CFHR5: variants seen among roughly 807,000 people sequenced by gnomAD.
CFHR5 encodes complement factor H related 5, also known as complement factor H-related protein 5.
CFHR5 carries 73 observed loss-of-function variants against 62.9 expected under a neutral mutation model. That is an observed-to-expected ratio of 1.16 (90% CI 0.96 to 1.41). The LOEUF is 1.41. CFHR5 is among the 40% of genes most tolerant of loss of function. CFHR5 has a pLI of 0.00. For synonymous variants in CFHR5, 249 were observed against 227.2 expected (o/e 1.10, Z -0.86); for missense variants, 779 against 679.9 (o/e 1.15, Z -1.62).
chr1:196,989,154 C>T (rs149880114), intron 3 of CFHR5, among the ~76,000 whole-genome samples: 3 of 152,068 alleles, frequency 2.0e-5, no homozygotes, highest in Admixed American at 6.6e-5. Flanking sequence ...AGTTTATTTG[C>T]GTAGAGGTGT....
rs1201557825 is a variant in CFHR5 at position 197,008,608 on chromosome 1, T to C, written c.1635T>C (p.His545=). The C allele has an allele frequency of 2.5e-6, 4 of 1,613,806 alleles. No homozygotes were observed. Among genetic ancestry groups the C allele is most frequent in the Non-Finnish European group, 3.4e-6 (4 of 1,179,834 alleles). ...DAVEFQCKFP[H]KAMISSPPFR... ...TTGAATTCCAGTGTAAATTCCCACATAAAGCGATGATATCATCACCACCAT... is the reference window on the plus strand; with the variant it reads ...TTGAATTCCAGTGTAAATTCCCACACAAAGCGATGATATCATCACCACCAT... Residue 545 remains histidine, a synonymous_variant, in exon 10 of 10, where the codon CAT becomes CAC. Coordinates refer to ENST00000256785, the MANE Select transcript of CFHR5 (RefSeq NM_030787.4).
intron 6 of CFHR5, among the ~76,000 whole-genome samples, chr1:196,996,597 G>A (rs1340636396): frequency 1.3e-5 from 2 of 152,152 alleles, no homozygotes; most frequent in Admixed American, 6.5e-5. Context: ...TTCTACAAAT[G>A]ATGGCGATTT....
At position 196,985,798 on chromosome 1, in the gene CFHR5, T is replaced by A. The variant is rs546815333; in HGVS notation, c.430+1661T>A. ...CGGTTGCTTTGTGACACAAAAAATA[T>A]CCCAGGCTTAACTCATGTTTCCACT... is the stretch of plus-strand genomic sequence containing the variant. On this transcript the variant is annotated intron_variant, in intron 3 of 9. Coordinates refer to ENST00000256785, the MANE Select transcript of CFHR5 (RefSeq NM_030787.4). Among the ~76,000 whole-genome samples, 10 of 152,316 alleles carry A rather than the reference T, an allele frequency of 6.6e-5. No homozygotes were observed. The East Asian group carries it at 1.9e-3, about 29-fold the overall frequency.
In CFHR5 at chr1:196,983,020, C is replaced by A. The variant is rs779001368; in HGVS notation, c.194C>A (p.Ser65Tyr). 3.7e-6 allele frequency: 6 copies of A among 1,614,008 alleles called. No individual in the cohort carries two copies. The East Asian group carries it at 8.9e-5, about 24-fold the overall frequency. The change falls in exon 2 of 10, where the codon TCC becomes TAC. Residue 65 changes from serine to tyrosine, a missense_variant. Transcript: ENST00000256785. ...TATAATTTTGTGTCTCCTTCAAAATCCTTTTGGACTCGCATAACATGCACA... is the reference window on the plus strand; with the variant it reads ...TATAATTTTGTGTCTCCTTCAAAATACTTTTGGACTCGCATAACATGCACA... The part of the protein sequence containing the change: ...CEYNFVSPSK[S>Y]FWTRITCTEE...
At chr1:196,992,971 T>C (rs751605049) in intron 3 of CFHR5, among the ~76,000 whole-genome samples, 3 of 152,196 alleles carry the variant, frequency 2.0e-5, no homozygotes, top group African/African-American at 4.8e-5. Context: ...ATTATTTTTG[T>C]CTTGAATGTC....
Position 197,008,513 on chromosome 1 carries a change from A to T in CFHR5, c.1540A>T (p.Met514Leu). 6.2e-7 allele frequency: 1 copy of T among 1,609,788 alleles called. No individual in the cohort carries two copies. The highest frequency in any genetic ancestry group is 8.5e-7 in the Non-Finnish European group (1 of 1,177,390). The change falls in exon 10 of 10, where the codon ATG (methionine) becomes TTG (leucine). Residue 514 changes from methionine to leucine, a missense_variant. Physicochemically the swap from Met to Leu is conservative, Grantham distance 15 (BLOSUM62 2). Transcript: ENST00000256785. ...LDPCVVSEEN[M>L]NKNNIQLKWR... is the part of the protein sequence containing the mutation. ...TCCATGTGTGGTATCTGAAGAAAACATGAACAAAAATAACATACAGTTAAA... is the reference window on the plus strand; with the variant it reads ...TCCATGTGTGGTATCTGAAGAAAACTTGAACAAAAATAACATACAGTTAAA...
At chr1:196,996,645 C>G (rs567082724) in intron 6 of CFHR5, among the ~76,000 whole-genome samples, 2 of 152,018 alleles carry the variant, frequency 1.3e-5, no homozygotes, top group African/African-American at 4.8e-5. Context: ...TAGTCTTTAC[C>G]TCAGCATGTT....
intron 9 of CFHR5, among the ~76,000 whole-genome samples, chr1:197,008,013 A>G (rs1654337450): frequency 6.8e-6 from 1 of 148,060 alleles, no homozygotes; most frequent in Admixed American, 6.8e-5. Flanking sequence ...ATAAATATAT[A>G]TATAAAGTGC....
intron 3 of CFHR5, among the ~76,000 whole-genome samples, chr1:196,987,742 A>G (rs1309550580): frequency 1.3e-5 from 2 of 152,192 alleles, no homozygotes; most frequent in Non-Finnish European, 2.9e-5. Context: ...TGGTACCAGT[A>G]CCATGCTGTT....
rs981414099 is a variant in CFHR5, at chr1:196,990,921, G to T, written c.431-3159G>T. On this transcript the variant is annotated intron_variant, in intron 3 of 9. Coordinates refer to ENST00000256785, the MANE Select transcript of CFHR5 (RefSeq NM_030787.4). The stretch of plus-strand genomic sequence containing the variant: ...AATTGAATGTTGACCTGCCTTGCTA[G>T]GTTAAGGAAGTTCCCCTGGATAATA... Among the ~76,000 whole-genome samples the T allele has an allele frequency of 2.0e-5, 3 of 152,072 alleles. No individual in the cohort carries two copies. The South Asian group carries it at 6.2e-4, about 32-fold the overall frequency.
intron 3 of CFHR5, among the ~76,000 whole-genome samples, chr1:196,986,847 A>T (rs903006548): frequency 3.9e-5 from 6 of 152,138 alleles, no homozygotes; most frequent in Non-Finnish European, 8.8e-5. Flanking sequence ...ATGTATCTTT[A>T]TAGCAGCATG....
At chr1:196,992,384 G>T (rs955901430) in intron 3 of CFHR5, among the ~76,000 whole-genome samples, 6 of 151,618 alleles carry the variant, frequency 4.0e-5, no homozygotes, top group Non-Finnish European at 7.4e-5. Flanking sequence ...CACTGGAAAA[G>T]TGCAGTATTT....
chr1:197,001,482 T>G (rs1462143941), intron 7 of CFHR5, among the ~76,000 whole-genome samples: 1 of 152,110 alleles, frequency 6.6e-6, no homozygotes, highest in African/African-American at 2.4e-5. Context: ...GATTTTTAAA[T>G]GAAAATAGTA....
At chr1:196,999,046 T>C (rs764840452) in intron 7 of CFHR5, among the ~76,000 whole-genome samples, 21 of 151,938 alleles carry the variant, frequency 1.4e-4, no homozygotes, top group Middle Eastern at 3.4e-3. Context: ...ATAAAGAAAT[T>C]TGCAACCACA....
At chr1:196,993,622 T>G (rs1235995629) in intron 3 of CFHR5, among the ~76,000 whole-genome samples, 1 of 152,042 alleles carries the variant, frequency 6.6e-6, no homozygotes. Context: ...TATACATCAT[T>G]TTTTTTATTT....
intron 9 of CFHR5, 90 bp from the exon 10 acceptor site, chr1:197,008,397 C>T: frequency 4.3e-6 from 3 of 695,242 alleles, no homozygotes; most frequent in South Asian, 4.2e-5. Flanking sequence ...ATTTTAATTC[C>T]AAAATATTCT....
intron 1 of CFHR5, 105 bp downstream of exon 1, chr1:196,977,827 AT>A: frequency 1.1e-6 from 1 of 902,420 alleles, no homozygotes; most frequent in Non-Finnish European, 1.9e-6. Context: ...ATAGCTGAGG[AT>A]AATTTGAAGG....
chr1:196,987,668 G>A (rs1380475409), intron 3 of CFHR5, among the ~76,000 whole-genome samples: 1 of 152,128 alleles, frequency 6.6e-6, no homozygotes, highest in African/African-American at 2.4e-5. Flanking sequence ...AGATCAAATG[G>A]TTGTAGATGT....
At chr1:197,000,183 G>A (rs1376839476) in intron 7 of CFHR5, among the ~76,000 whole-genome samples, 3 of 152,036 alleles carry the variant, frequency 2.0e-5, no homozygotes, top group African/African-American at 7.2e-5. Context: ...AAATAAGGAA[G>A]AAGCCTTATT....
Sources: allele counts gnomAD v4.1 joint callset (sites outside exome capture counted in the v4.1 genomes callset), GRCh38; gene constraint gnomAD v4.1.1; transcripts MANE v1.5; gene names NCBI Gene and HGNC (gene_info 2026-07-23, HGNC 2026-07-21).